The following SLC14A2 variants were observed in gnomAD, a reference collection of about 807,000 sequenced individuals.
SLC14A2 encodes solute carrier family 14 member 2.
In SLC14A2, 91 loss-of-function variants were observed where a neutral mutation model predicts 104.6. The ratio of observed to expected loss-of-function variants is 0.87; its 90% CI spans 0.73 to 1.04. SLC14A2 has a LOEUF of 1.04. Among genes scored for constraint, SLC14A2 ranks in the 50% least tolerant of loss-of-function variants. SLC14A2 has a pLI of 0.00. For missense variants in SLC14A2, 1,189 were observed against 1,156.0 expected (o/e 1.03, Z -0.41); for synonymous variants, 476 against 466.4 (o/e 1.02, Z -0.27).
the SLC14A2 span, among the ~76,000 whole-genome samples, chr18:45,181,820 C>T: frequency 8.6e-5 from 13 of 151,954 alleles, no homozygotes; most frequent in African/African-American, 2.9e-4. Flanking sequence ...TATATCTGTG[C>T]GACTCTTTAT....
chr18:45,409,974 T>C (rs1045084657), intron 1 of SLC14A2, among the ~76,000 whole-genome samples: 1 of 152,158 alleles, frequency 6.6e-6, no homozygotes, highest in Non-Finnish European at 1.5e-5. Context: ...CCTAAGCTTG[T>C]TTTCCTGTAA....
intron 2 of SLC14A2, chr18:45,528,460 G>C (rs2043631356): frequency 6.6e-6 from 1 of 152,028 alleles, no homozygotes; most frequent in Admixed American, 6.6e-5. Context: ...ATGCTGTCCA[G>C]GGGCACTCAC....
chr18:45,501,073 G>A (rs1446987829), intron 2 of SLC14A2, among the ~76,000 whole-genome samples: 5 of 152,134 alleles, frequency 3.3e-5, no homozygotes, highest in African/African-American at 1.2e-4. Flanking sequence ...ATTTCATTCA[G>A]TTCACTCAAC....
upstream of SLC14A2, among the ~76,000 whole-genome samples, chr18:45,211,675 T>C (rs1037230083): frequency 5.9e-5 from 9 of 152,224 alleles, no homozygotes; most frequent in African/African-American, 2.2e-4. Context: ...TTGACTTTTA[T>C]TCAGCACTTA....
At chr18:45,386,860 G>C (rs996296814) in intron 1 of SLC14A2, among the ~76,000 whole-genome samples, 2 of 152,234 alleles carry the variant, frequency 1.3e-5, no homozygotes, top group African/African-American at 4.8e-5. Flanking sequence ...TGATGTTGAT[G>C]ATTTGTGTAA....
intron 1 of SLC14A2, among the ~76,000 whole-genome samples, chr18:45,318,121 C>A (rs1459891292): frequency 1.3e-5 from 2 of 152,182 alleles, no homozygotes. Flanking sequence ...TTGAGACGCG[C>A]CTCTTTGGAG....
chr18:45,452,170 A>G (rs2086868842), intron 1 of SLC14A2, among the ~76,000 whole-genome samples: 1 of 152,204 alleles, frequency 6.6e-6, no homozygotes, highest in African/African-American at 2.4e-5. Flanking sequence ...GAGGCAAGAC[A>G]CTGTAGAAGT....
chr18:45,428,580 AC>A (rs1254276534), intron 1 of SLC14A2, among the ~76,000 whole-genome samples: 1 of 152,044 alleles, frequency 6.6e-6, no homozygotes, highest in African/African-American at 2.4e-5. Flanking sequence ...GGTCATGGGC[AC>A]CCCCAGGGCA....
At chr18:45,640,328 G>GC (rs2045502371) in intron 7 of SLC14A2, among the ~76,000 whole-genome samples, 1 of 151,968 alleles carries the variant, frequency 6.6e-6, no homozygotes, top group African/African-American at 2.4e-5. Context: ...AACCAAGTTG[G>GC]CCTGCAAACT....
At chr18:45,676,523 C>T (rs754800743) in intron 18 of SLC14A2, among the ~76,000 whole-genome samples, 5 of 151,824 alleles carry the variant, frequency 3.3e-5, no homozygotes, top group Non-Finnish European at 5.9e-5. Context: ...TGGTTTTCAA[C>T]CAGGGGTAAT....
chr18:45,320,347 G>C lies in SLC14A2; in HGVS notation c.-125+107156G>C, dbSNP rs560527044. Among the ~76,000 whole-genome samples, 8 of 152,214 alleles carry C rather than the reference G, an allele frequency of 5.3e-5. No homozygotes were observed. In the South Asian group the frequency reaches 1.2e-3, roughly 24 times the overall value. On this transcript the variant is annotated intron_variant, in intron 1 of 20. Coordinates refer to the SLC14A2 transcript ENST00000586448. ...CCCTAGGCGAGATCTCTTTCCCAAG[G>C]TGAGGCTAACGACTTTCATGTAGTC...
chr18:45,569,965 G>A (rs2044322627), intron 2 of SLC14A2, among the ~76,000 whole-genome samples: 1 of 152,170 alleles, frequency 6.6e-6, no homozygotes, highest in South Asian at 2.1e-4. Context: ...AAAATCCCTT[G>A]ACTCTCATCA....
intron 2 of SLC14A2, among the ~76,000 whole-genome samples, chr18:45,508,854 T>C (rs950778945): frequency 6.6e-6 from 1 of 152,010 alleles, no homozygotes; most frequent in African/African-American, 2.4e-5. Flanking sequence ...CAAACTGGTC[T>C]TGCAAATGAG....
chr18:45,501,073 GT>G, intron 2 of SLC14A2, among the ~76,000 whole-genome samples: 1 of 152,252 alleles, frequency 6.6e-6, no homozygotes. Flanking sequence ...ATTTCATTCA[GT>G]TCACTCAACA....
chr18:45,423,706 T>C (rs1164903199), intron 1 of SLC14A2: 3 of 152,158 alleles, frequency 2.0e-5, no homozygotes, highest in Non-Finnish European at 2.9e-5. Flanking sequence ...AAATACATCA[T>C]AAATATGACA....
intron 10 of SLC14A2, among the ~76,000 whole-genome samples, chr18:45,654,094 T>C (rs1024262138): frequency 1.3e-5 from 2 of 150,336 alleles, no homozygotes; most frequent in Non-Finnish European, 3.0e-5. Context: ...CTGAAGCTAG[T>C]CCTCCCCAGG....
chr18:45,309,177 T>A (rs373054022), intron 1 of SLC14A2, among the ~76,000 whole-genome samples: 1 of 152,192 alleles, frequency 6.6e-6, no homozygotes, highest in Admixed American at 6.5e-5. Flanking sequence ...CATGGTCAGA[T>A]GCTCCAAAAT....
intron 1 of SLC14A2, chr18:45,447,660 A>G (rs1344351234): frequency 6.6e-6 from 1 of 152,250 alleles, no homozygotes; most frequent in African/African-American, 2.4e-5. Context: ...TGAGGATTTT[A>G]TTACATATTG....
intron 1 of SLC14A2, among the ~76,000 whole-genome samples, chr18:45,448,716 A>T (rs936737451): frequency 2.0e-5 from 3 of 152,112 alleles, no homozygotes; most frequent in Non-Finnish European, 4.4e-5. Flanking sequence ...CTGGGTGCAT[A>T]TCTCACTGGC....
Sources: gnomAD v4.1 joint callset for allele counts (sites outside exome capture counted in the v4.1 genomes callset) on GRCh38, gnomAD v4.1.1 for gene constraint, MANE v1.5 for transcripts, NCBI Gene and HGNC (gene_info 2026-07-23, HGNC 2026-07-21) for gene names.